MAP6: variants seen among roughly 807,000 people sequenced by gnomAD.
MAP6 encodes the protein microtubule associated protein 6.
MAP6 carries 26 observed loss-of-function variants against 42.4 expected under a neutral mutation model. That is an observed-to-expected ratio of 0.61 (90% CI 0.45 to 0.85). The LOEUF is 0.85. MAP6 is among the 40% of genes least tolerant of loss of function. MAP6 has a pLI of 0.00. For synonymous variants in MAP6, 418 were observed against 443.8 expected, an observed-to-expected ratio of 0.94 and a Z score of 0.73; for missense variants, 966 against 1,099.0, an observed-to-expected ratio of 0.88 and a Z score of 1.71.
chr11:75,626,785 C>A (rs1464349043), intron 1 of MAP6, among the ~76,000 whole-genome samples: 1 of 152,180 alleles, frequency 6.6e-6, no homozygotes, highest in Non-Finnish European at 1.5e-5. Context: ...GGTTACTCAT[C>A]TAGGGCCTCA....
At chr11:75,607,627 G>A (rs1942804545) in intron 2 of MAP6, 3 of 985,406 alleles carry the variant, frequency 3.0e-6, no homozygotes, top group Non-Finnish European at 3.6e-6. Flanking sequence ...CCGAGAAGAT[G>A]AGAGAGGGCA....
At chr11:75,650,128 A>G (rs961554471) in intron 1 of MAP6, among the ~76,000 whole-genome samples, 4 of 152,122 alleles carry the variant, frequency 2.6e-5, no homozygotes, top group Admixed American at 2.0e-4. Flanking sequence ...ATGCTTTGAC[A>G]TCACGCACCC....
intron 1 of MAP6, among the ~76,000 whole-genome samples, chr11:75,655,051 C>T (rs754719777): frequency 1.6e-4 from 24 of 152,210 alleles, no homozygotes; most frequent in Non-Finnish European, 2.2e-4. Context: ...AGATACACTA[C>T]TTACATCCAT....
Position 75,621,600 on chromosome 11 carries a change from T to C in MAP6, c.906-13278A>G, listed in dbSNP as rs192948026. Among the ~76,000 whole-genome samples the C allele has an allele frequency of 7.2e-4, 109 of 152,214 alleles. 1 individual carries two copies. The highest frequency in any genetic ancestry group is 2.5e-3 in the African/African-American group (104 of 41,516). ...AGACACAAAGCTGTCATTATTTGCA[T>C]ATAACATAACCTTGCATTTAGAAAA... On this transcript the variant is annotated intron_variant, in intron 1 of 3. Transcript: ENST00000304771.
chr11:75,638,443 G>A (rs925709876), intron 1 of MAP6: 2 of 152,176 alleles, frequency 1.3e-5, no homozygotes, highest in African/African-American at 4.8e-5. Context: ...TAGTGCTCTT[G>A]GAGTAACAGG....
At chr11:75,659,597 G>T (rs1243328872) in intron 1 of MAP6, among the ~76,000 whole-genome samples, 1 of 152,194 alleles carries the variant, frequency 6.6e-6, no homozygotes, top group East Asian at 1.9e-4. Context: ...CACTAAATTA[G>T]CTACTATTAG....
intron 1 of MAP6, among the ~76,000 whole-genome samples, chr11:75,618,420 AACATGGT>A (rs1943040815): frequency 6.6e-6 from 1 of 152,092 alleles, no homozygotes; most frequent in African/African-American, 2.4e-5. Flanking sequence ...CAGCCTGACC[AACATGGT>A]GAAACCCCAT....
At chr11:75,595,546 C>T (rs900092834) in intron 3 of MAP6, among the ~76,000 whole-genome samples, 3 of 152,350 alleles carry the variant, frequency 2.0e-5, no homozygotes, top group Admixed American at 1.3e-4. Context: ...CCTCCTCTGC[C>T]CTGGAGTCTA....
chr11:75,635,519 C>G (rs910474300), intron 1 of MAP6, among the ~76,000 whole-genome samples: 1 of 152,234 alleles, frequency 6.6e-6, no homozygotes, highest in Admixed American at 6.5e-5. Context: ...CTCAAGTTTA[C>G]TTGAAACTGC....
At chr11:75,644,292 G>T (rs1169528965) in intron 1 of MAP6, among the ~76,000 whole-genome samples, 2 of 152,160 alleles carry the variant, frequency 1.3e-5, no homozygotes, top group Admixed American at 1.3e-4. Context: ...TTAGCTGTGT[G>T]ATACTGGGTA....
At chr11:75,648,498 AAAAC>A (rs145625627) in intron 1 of MAP6, among the ~76,000 whole-genome samples, 10,055 of 151,994 alleles carry the variant, frequency 0.066, 437 homozygotes, top group East Asian at 0.14. Context: ...ACCCTGTCTA[AAAAC>A]AAACAAACAA....
chr11:75,620,479 G>T, intron 1 of MAP6, among the ~76,000 whole-genome samples: 1 of 91,834 alleles, frequency 1.1e-5, no homozygotes, highest in Admixed American at 1.1e-4. Flanking sequence ...TGACTCAAAA[G>T]AGAGAAAAAA....
rs573558500 is a variant in MAP6 at position 75,616,685 on chromosome 11, T to C, written c.906-8363A>G. Among the ~76,000 whole-genome samples the C allele has an allele frequency of 4.5e-4, 68 of 152,350 alleles. 1 individual carries two copies. The highest frequency in any genetic ancestry group is 6.8e-3 in the Middle Eastern group (2 of 294). ...TTTAGAAGGTAGTGGAAGATTGCTT[T>C]CTCCTGGCCAGAAATGACTGGGCCG... is the stretch of plus-strand genomic sequence containing the variant. On this transcript the variant is annotated intron_variant, in intron 1 of 3. Transcript: ENST00000304771.
chr11:75,595,430 A>C (rs1229379539), intron 3 of MAP6, among the ~76,000 whole-genome samples: 1 of 152,212 alleles, frequency 6.6e-6, no homozygotes, highest in African/African-American at 2.4e-5. Context: ...GAGCCCTCAC[A>C]TTCCAACTGC....
At chr11:75,642,743 T>C in intron 1 of MAP6, 1 of 304,100 alleles carries the variant, frequency 3.3e-6, no homozygotes, top group Non-Finnish European at 7.1e-6. Flanking sequence ...ACAGAAAGTA[T>C]AGCTGGAATG....
At chr11:75,647,279 G>A (rs1361271845) in intron 1 of MAP6, among the ~76,000 whole-genome samples, 10 of 147,316 alleles carry the variant, frequency 6.8e-5, no homozygotes, top group Non-Finnish European at 1.2e-4. Context: ...CACTGTGCCC[G>A]GCTGAAACTT....
At chr11:75,614,267 T>C (rs958108083) in intron 1 of MAP6, among the ~76,000 whole-genome samples, 1 of 152,194 alleles carries the variant, frequency 6.6e-6, no homozygotes, top group Non-Finnish European at 1.5e-5. Flanking sequence ...GGACGGGGTG[T>C]AAAGTTGCTA....
chr11:75,654,795 AC>A (rs549876884), intron 1 of MAP6, among the ~76,000 whole-genome samples: 116 of 152,240 alleles, frequency 7.6e-4, no homozygotes, highest in African/African-American at 2.8e-3. Context: ...CTGTGTAGTT[AC>A]CCCCATTTTA....
At chr11:75,621,489 CA>C (rs1943110674) in intron 1 of MAP6, among the ~76,000 whole-genome samples, 2 of 152,146 alleles carry the variant, frequency 1.3e-5, no homozygotes, top group Non-Finnish European at 2.9e-5. Context: ...TGCCCACTTT[CA>C]ACACTTCTAT....
Sources: gnomAD v4.1 joint callset for allele counts (sites outside exome capture counted in the v4.1 genomes callset) on GRCh38, gnomAD v4.1.1 for gene constraint, MANE v1.5 for transcripts, NCBI Gene and HGNC (gene_info 2026-07-23, HGNC 2026-07-21) for gene names.